Variants in ZNF217 observed in about 807,000 individuals in gnomAD.
The protein encoded by ZNF217 is zinc finger protein 217.
A neutral mutation model predicts 73.3 loss-of-function variants in ZNF217; 12 were observed. The ratio of observed to expected loss-of-function variants is 0.16; its 90% CI spans 0.10 to 0.27. The LOEUF (loss-of-function observed/expected upper bound fraction) is 0.27. Among genes scored for constraint, ZNF217 ranks in the 10% least tolerant of loss-of-function variants. ZNF217 has a pLI of 1.00. For synonymous variants in ZNF217, 588 were observed against 516.4 expected (o/e 1.14, Z -1.88); for missense variants, 1,195 against 1,327.8 (o/e 0.90, Z 1.55).
chr20:53,578,817 T>C (rs146184200), intron 2 of ZNF217, among the ~76,000 whole-genome samples: 1,745 of 152,298 alleles, frequency 0.011, 34 homozygotes, highest in African/African-American at 0.039. Flanking sequence ...AAGGTGGACA[T>C]ACATACTGGC....
rs777478111 is a variant in ZNF217, at chr20:53,576,402, G to A, written c.2362C>T (p.Pro788Ser). 2.5e-6 allele frequency: 4 copies of A among 1,614,234 alleles called. No homozygotes were observed. The highest frequency in any genetic ancestry group is 3.4e-6 in the Non-Finnish European group (4 of 1,180,042). Residue 788 changes from proline (P) to serine (S), a missense_variant, in exon 4 of 6, where the codon CCA (proline) becomes TCA (serine). This residue lies in a region of ZNF217 where 649 missense variants were observed against 642.8 expected (regional missense o/e 1.01). Coordinates refer to ENST00000371471, the MANE Select transcript of ZNF217 (RefSeq NM_006526.3). ...GGGCTCTGCTTCCCCTTCGCAGATG[G>A]CAGGGATTTGGACTGCGCCGGGAAA... ...SAFPAQSKSL[P>S]SAKGKQSPPG...
chr20:53,589,797 A>C (rs148883383), intron 1 of ZNF217, among the ~76,000 whole-genome samples: 1 of 152,324 alleles, frequency 6.6e-6, no homozygotes, highest in Non-Finnish European at 1.5e-5. Flanking sequence ...ATTAAGTGAT[A>C]TTCAATAATC....
intron 1 of ZNF217, among the ~76,000 whole-genome samples, 173 bp downstream of exon 1, chr20:53,593,583 G>A (rs1383884707): frequency 4.6e-5 from 7 of 151,846 alleles, no homozygotes; most frequent in Non-Finnish European, 1.0e-4. Flanking sequence ...CGCAGGAGCC[G>A]GCTGGGGAGG....
intron 1 of ZNF217, among the ~76,000 whole-genome samples, chr20:53,590,407 A>C (rs1988838329): frequency 6.6e-6 from 1 of 152,248 alleles, no homozygotes; most frequent in African/African-American, 2.4e-5. Context: ...GAGATGGGAC[A>C]ATTTGAATTT....
At chr20:53,572,388 T>C (rs982118465) in intron 4 of ZNF217, among the ~76,000 whole-genome samples, 1 of 151,634 alleles carries the variant, frequency 6.6e-6, no homozygotes, top group Non-Finnish European at 1.5e-5. Context: ...CACTCCAGCC[T>C]GGGCAACAGA....
At chr20:53,593,125 C>A (rs1988941107) in intron 1 of ZNF217, among the ~76,000 whole-genome samples, 2 of 151,988 alleles carry the variant, frequency 1.3e-5, no homozygotes, top group African/African-American at 4.8e-5. Context: ...CTCCCGGGGA[C>A]AGATTTTTGG....
chr20:53,576,946 T>A lies in ZNF217; in HGVS notation c.1818A>T (p.Ala606=), dbSNP rs1268494661. ...TCACTTTATCAGCACTGTCATCAGC[T>A]GCATTTTTATGGAAATCCTGAGTAT... ...HKDTQDFHKN[A]ADDSADKVNK... The change falls in exon 4 of 6, where the codon GCA becomes GCT. Residue 606 remains alanine (A), a synonymous_variant. Coordinates refer to ENST00000371471, the MANE Select transcript of ZNF217 (RefSeq NM_006526.3). 1.9e-5 allele frequency: 30 copies of A among 1,614,126 alleles called. No individual in the cohort carries two copies. Among genetic ancestry groups the A allele is most frequent in the Non-Finnish European group, 2.5e-5 (29 of 1,180,046 alleles).
rs2145958042 is a variant in ZNF217 at position 53,581,989 on chromosome 20, C to T, written c.838G>A (p.Gly280Arg). Residue 280 changes from glycine (G) to arginine (R), a missense_variant, in exon 2 of 6, where the codon GGG becomes AGG. Transcript: ENST00000371471. The surrounding 1 kb of genome is among the most constrained non-coding windows in gnomAD (Gnocchi z 4.9). ...GGGATGCATCTGACAGGCTTCTTCC[C>T]CGTTTCAGGGTGAGATTTTGGTCTC... ...NLRPKSHPET[G>R]KKPVRCIPQL... The T allele has an allele frequency of 6.2e-7, 1 of 1,614,188 alleles. No individual in the cohort carries two copies. The highest frequency in any genetic ancestry group is 8.5e-7 in the Non-Finnish European group (1 of 1,180,034).
upstream of ZNF217, among the ~76,000 whole-genome samples, chr20:53,594,437 C>G (rs1345082389): frequency 6.6e-6 from 1 of 150,910 alleles, no homozygotes; most frequent in Non-Finnish European, 1.5e-5. Flanking sequence ...CGCCCCTGCT[C>G]CGCCCCCCGC....
chr20:53,577,368 T>C, intron 3 of ZNF217, 88 bp from the exon 4 acceptor site: 1 of 1,202,722 alleles, frequency 8.3e-7, no homozygotes, highest in Middle Eastern at 2.1e-4. Context: ...AACAGGCTTC[T>C]TTCCTCCTTT....
chr20:53,587,338 C>G, intron 1 of ZNF217, among the ~76,000 whole-genome samples: 1 of 132,694 alleles, frequency 7.5e-6, no homozygotes, highest in South Asian at 2.3e-4. Flanking sequence ...AGGACACATT[C>G]TACACTGCTT....
intron 4 of ZNF217, among the ~76,000 whole-genome samples, chr20:53,573,335 G>A (rs900872606): frequency 6.6e-6 from 1 of 152,056 alleles, no homozygotes; most frequent in African/African-American, 2.4e-5. Context: ...TGTTGGTCAG[G>A]CTGTTTCCCA....
Position 53,582,599 on chromosome 20 carries a change from A to C in ZNF217, c.228T>G (p.His76Gln). 1.2e-6 allele frequency: 2 copies of C among 1,614,174 alleles called. No homozygotes were observed. Among genetic ancestry groups the C allele is most frequent in the Non-Finnish European group, 1.7e-6 (2 of 1,180,022 alleles). ...AGACATGTTTATTAAGGTCTTCTGA[A>C]TGTGTGAAGGTCTGGCTGCAGAACA... is the stretch of plus-strand genomic sequence containing the variant. ...DCMFCSQTFTHSEDLNKHVLM... is the reference protein window; with the variant it reads ...DCMFCSQTFTQSEDLNKHVLM... Residue 76 changes from histidine (H) to glutamine (Q), a missense_variant, in exon 2 of 6, where the codon CAT (histidine) becomes CAG (glutamine). Coordinates refer to ENST00000371471, the MANE Select transcript of ZNF217 (RefSeq NM_006526.3). This position sits in a 1 kb window ranked among gnomAD's most constrained non-coding sequence, Gnocchi z 4.8.
At chr20:53,597,010 T>G (rs1989051635), upstream of ZNF217, among the ~76,000 whole-genome samples, 1 of 149,864 alleles carries the variant, frequency 6.7e-6, no homozygotes, top group African/African-American at 2.5e-5. Context: ...ATATAAGGCC[T>G]CTTCGTTTAG....
In ZNF217 at chr20:53,581,751, G is replaced by A. The variant is rs973348608; in HGVS notation, c.1076C>T (p.Pro359Leu). Residue 359 changes from proline (P) to leucine (L), a missense_variant, in exon 2 of 6, where the codon CCC becomes CTC. Pro to Leu is a moderately conservative substitution (Grantham distance 98). Transcript: ENST00000371471. This position sits in a 1 kb window ranked among gnomAD's most constrained non-coding sequence, Gnocchi z 4.9. ...EKCKHSHGEA[P>L]SVDADPKLPS... ...TAACTTGGGATCCGCGTCCACGGAG[G>A]GCGCTTCGCCGTGGGAGTGTTTGCA... The A allele has an allele frequency of 1.9e-6, 3 of 1,614,250 alleles. No individual in the cohort carries two copies. The highest frequency in any genetic ancestry group is 4.5e-5 in the East Asian group (2 of 44,890).
chr20:53,590,693 G>C (rs1221310677), intron 1 of ZNF217, among the ~76,000 whole-genome samples: 1 of 152,074 alleles, frequency 6.6e-6, no homozygotes, highest in Non-Finnish European at 1.5e-5. Context: ...AGTGCTCCAG[G>C]GTTGGGAAAT....
chr20:53,591,955 T>TA, intron 1 of ZNF217, among the ~76,000 whole-genome samples: 1 of 152,306 alleles, frequency 6.6e-6, no homozygotes, highest in Non-Finnish European at 1.5e-5. Flanking sequence ...AAAGAGAAGG[T>TA]AAAAGGCCTC....
Position 53,575,961 on chromosome 20 carries a change from T to G in ZNF217, c.2803A>C (p.Asn935His), listed in dbSNP as rs1946610706. The G allele has an allele frequency of 6.2e-7, 1 of 1,614,090 alleles. No individual in the cohort carries two copies. The highest frequency in any genetic ancestry group is 1.3e-5 in the African/African-American group (1 of 74,916). Reference protein sequence around the residue: ...VALDVDQPGANYRRGYDLPKY... With the variant: ...VALDVDQPGAHYRRGYDLPKY... ...GGAAGGTCATAGCCTCTTCTGTAAT[T>G]GGCCCCGGGCTGGTCAACGTCAAGG... The change falls in exon 4 of 6, where the codon AAT (asparagine) becomes CAT (histidine). Residue 935 changes from asparagine (N) to histidine (H), a missense_variant. Asn to His is a moderately conservative substitution (Grantham distance 68, BLOSUM62 1). This residue lies in a region of ZNF217 where 649 missense variants were observed against 642.8 expected (regional missense o/e 1.01). Transcript: ENST00000371471.
At chr20:53,595,852 G>A (rs1271098517), upstream of ZNF217, among the ~76,000 whole-genome samples, 1 of 152,144 alleles carries the variant, frequency 6.6e-6, no homozygotes, top group Non-Finnish European at 1.5e-5. Context: ...AAATGACTAT[G>A]AGCCTTGCTA....
Sources: allele counts gnomAD v4.1 joint callset (sites outside exome capture counted in the v4.1 genomes callset), GRCh38; gene constraint gnomAD v4.1.1; regional missense constraint gnomAD v4.1.1; non-coding constraint Gnocchi (gnomAD v3.1); transcripts MANE v1.5; gene names NCBI Gene and HGNC (gene_info 2026-07-23, HGNC 2026-07-21).